Variants in TRIM27 observed in about 807,000 individuals in gnomAD.
TRIM27 encodes the protein tripartite motif containing 27, also known as zinc finger protein RFP.
In TRIM27, 12 loss-of-function variants were observed where a neutral mutation model predicts 57.6. The ratio of observed to expected loss-of-function variants is 0.21; its 90% CI spans 0.13 to 0.34. The LOEUF (loss-of-function observed/expected upper bound fraction) is 0.34. Among genes scored for constraint, TRIM27 ranks in the 10% least tolerant of loss-of-function variants. The pLI, the probability that TRIM27 is intolerant of heterozygous loss-of-function variation, is 1.00. For synonymous variants in TRIM27, 266 were observed against 259.0 expected (o/e 1.03, Z -0.26); for missense variants, 403 against 656.8 (o/e 0.61, Z 4.22).
In TRIM27 at chr6:28,921,250, G is replaced by A. The variant is rs142068226; in HGVS notation, c.516+642C>T. ...ACAAAAATTAGCTGAGTCTGTTGGC[G>A]TACGCCTGTAGCCTCAGCTACCTGG... On this transcript the variant is annotated intron_variant, in intron 2 of 7. Transcript: ENST00000377199. Among the ~76,000 whole-genome samples the A allele has an allele frequency of 2.0e-4, 30 of 152,094 alleles. No individual in the cohort carries two copies. In the East Asian group the frequency reaches 5.2e-3, roughly 26 times the overall value.
rs1382305044 is a variant in TRIM27, at chr6:28,923,364, C to T, written c.269G>A (p.Gly90Asp). The change falls in exon 1 of 8, where the codon GGC (glycine) becomes GAC (aspartate). Residue 90 changes from glycine to aspartate, a missense_variant. By Grantham distance (94) the Gly-to-Asp change is moderately conservative. Coordinates refer to ENST00000377199, the MANE Select transcript of TRIM27 (RefSeq NM_006510.5). The stretch of plus-strand genomic sequence containing the variant: ...CTTCTCGCACACGCCCATCTCGCCG[C>T]CGGGCCCCGACGGCCGCTCGGTGCG... ...QLRTERPSGP[G>D]GEMGVCEKHR... 6.2e-7 allele frequency: 1 copy of T among 1,612,040 alleles called. No individual in the cohort carries two copies. Among genetic ancestry groups the T allele is most frequent in the Non-Finnish European group, 8.5e-7 (1 of 1,179,678 alleles).
chr6:28,914,930 A>C (rs1773491647), intron 3 of TRIM27: 1 of 151,960 alleles, frequency 6.6e-6, no homozygotes, highest in Admixed American at 6.6e-5. Flanking sequence ...TTCTCTTCTA[A>C]TATGTCTTCT....
chr6:28,903,761 C>T lies in TRIM27; in HGVS notation c.*309G>A, dbSNP rs1772562507. ...GCCAAGAAGCTGGAAGTATCTTGAA[C>T]GGCTCTCCAAATCCAAAGATTATCC... On this transcript the variant is annotated 3_prime_UTR_variant, in exon 8 of 8. Transcript: ENST00000377199. 4 of 382,428 alleles carry T rather than the reference C, an allele frequency of 1.0e-5. No individual in the cohort carries two copies. The highest frequency in any genetic ancestry group is 1.9e-5 in the Non-Finnish European group (4 of 212,950). The allele number at this position is 382,428 out of a possible 1,614,324, so 23.7% of individuals were successfully genotyped here. A position where few individuals can be genotyped will look rare whatever the true frequency, so the allele number is the denominator to read the frequency against.
Position 28,923,788 on chromosome 6 carries a change from C to T in TRIM27, c.-156G>A. 1 of 821,008 alleles carries T rather than the reference C, an allele frequency of 1.2e-6. No individual in the cohort carries two copies. The highest frequency in any genetic ancestry group is 1.8e-6 in the Non-Finnish European group (1 of 548,280). 50.9% of individuals were successfully genotyped at this position (821,008 alleles called of 1,614,324 possible). A position where few individuals can be genotyped will look rare whatever the true frequency, so the allele number is the denominator to read the frequency against. On this transcript the variant is annotated 5_prime_UTR_variant, in exon 1 of 8. Transcript: ENST00000377199. The stretch of plus-strand genomic sequence containing the variant: ...GGCCCGTATCCCAGACGCGCCCGCG[C>T]ACCGAAGGCTTGGAGTGGCCGGGCC...
intron 3 of TRIM27, among the ~76,000 whole-genome samples, chr6:28,918,580 T>A (rs1428621958): frequency 2.0e-5 from 3 of 152,188 alleles, no homozygotes; most frequent in Admixed American, 2.0e-4. Context: ...ATTTTTACCA[T>A]TTAAAAATGT....
chr6:28,911,754 TCA>T, intron 3 of TRIM27, 36 bp from the exon 4 acceptor site: 1 of 1,607,898 alleles, frequency 6.2e-7, no homozygotes. Flanking sequence ...CCATGAGAAG[TCA>T]TTTAAAACTT....
Position 28,923,675 on chromosome 6 carries a change from G to A in TRIM27, c.-43C>T. ...GCGCACGGGCATGGGCCCCGGCGCC[G>A]AGCTCTGCACTGAGCCCAACTCTCC... On this transcript the variant is annotated 5_prime_UTR_variant, in exon 1 of 8. Transcript: ENST00000377199. 1 of 1,492,754 alleles carries A rather than the reference G, an allele frequency of 6.7e-7. No individual in the cohort carries two copies. The highest frequency in any genetic ancestry group is 9.0e-7 in the Non-Finnish European group (1 of 1,115,426). 92.5% of individuals were successfully genotyped at this position (1,492,754 alleles called of 1,614,324 possible). A position where few individuals can be genotyped will look rare whatever the true frequency, so the allele number is the denominator to read the frequency against.
chr6:28,919,853 A>G (rs1482209006), intron 3 of TRIM27, among the ~76,000 whole-genome samples, 159 bp downstream of exon 3: 1 of 152,276 alleles, frequency 6.6e-6, no homozygotes, highest in Non-Finnish European at 1.5e-5. Flanking sequence ...CTTCTAGTTT[A>G]CACAGTTTCC....
chr6:28,904,223 A>G lies in TRIM27; in HGVS notation c.1389T>C (p.His463=), dbSNP rs374566679. ...GCCGGACAGGCCCACAAAAGGTAGCATGAGAGAAAGTGAAGGTGTGACACC... is the reference window on the plus strand; with the variant it reads ...GCCGGACAGGCCCACAAAAGGTAGCGTGAGAGAAAGTGAAGGTGTGACACC... ...TERCHTFTFS[H]ATFCGPVRPY... Residue 463 remains histidine, a synonymous_variant, in exon 8 of 8, where the codon CAT becomes CAC. Coordinates refer to ENST00000377199, the MANE Select transcript of TRIM27 (RefSeq NM_006510.5). The surrounding 1 kb of genome is among the most constrained non-coding windows in gnomAD (Gnocchi z 6.1). The G allele has an allele frequency of 1.9e-4, 303 of 1,612,990 alleles. No homozygotes were observed. The highest frequency in any genetic ancestry group is 2.5e-4 in the Non-Finnish European group (299 of 1,180,042).
rs367561544 is a variant in TRIM27 at position 28,918,613 on chromosome 6, C to A, written c.747+1399G>T. 1.4e-3 allele frequency among the ~76,000 whole-genome samples: 209 copies of A among 152,278 alleles called. 2 individuals are homozygous for A. In the South Asian group the frequency reaches 0.022, roughly 16 times the overall value. ...TGTAAACTGGCCTGACGCTGTGGCT[C>A]ACACTTGTAATCCCAACACTTTGGG... is the stretch of plus-strand genomic sequence containing the variant. On this transcript the variant is annotated intron_variant, in intron 3 of 7. Transcript: ENST00000377199.
chr6:28,911,740 A>T (rs41270612), intron 3 of TRIM27, 22 bp from the exon 4 acceptor site: 1 of 1,611,006 alleles, frequency 6.2e-7, no homozygotes, highest in South Asian at 1.1e-5. Flanking sequence ...AGGAAAAAAA[A>T]TAACCATGAG....
At chr6:28,906,053 A>G (rs1399959194) in intron 7 of TRIM27, 1 of 152,076 alleles carries the variant, frequency 6.6e-6, no homozygotes, top group Non-Finnish European at 1.5e-5. Context: ...AAGTAAAAAA[A>G]TTAGGCAAGC....
intron 2 of TRIM27, among the ~76,000 whole-genome samples, chr6:28,921,643 A>G (rs1450529817): frequency 6.6e-6 from 1 of 152,230 alleles, no homozygotes; most frequent in East Asian, 1.9e-4. Flanking sequence ...ACCCTGGTCT[A>G]CGCAGTTAGC....
intron 3 of TRIM27, 37 bp from the exon 4 acceptor site, chr6:28,911,755 C>A (rs759632718): frequency 3.2e-5 from 51 of 1,605,050 alleles, no homozygotes; most frequent in Middle Eastern, 1.7e-4. Context: ...CATGAGAAGT[C>A]ATTTAAAACT....
chr6:28,922,083 C>A, intron 1 of TRIM27, 96 bp from the exon 2 acceptor site: 1 of 923,582 alleles, frequency 1.1e-6, no homozygotes, highest in Non-Finnish European at 1.7e-6. Flanking sequence ...ACACCTGATG[C>A]CAAGTCTCCA....
chr6:28,917,583 A>G (rs543781507), intron 3 of TRIM27, among the ~76,000 whole-genome samples: 1 of 152,088 alleles, frequency 6.6e-6, no homozygotes, highest in East Asian at 1.9e-4. Flanking sequence ...GTCTTAAAAA[A>G]AAAAAAAAAA....
chr6:28,920,727 A>C (rs1205312681), intron 2 of TRIM27, among the ~76,000 whole-genome samples: 1 of 152,176 alleles, frequency 6.6e-6, no homozygotes, highest in Non-Finnish European at 1.5e-5. Context: ...GGACCAGAAA[A>C]GGTAAGGCCT....
intron 3 of TRIM27, among the ~76,000 whole-genome samples, chr6:28,917,024 C>G (rs892690533): frequency 6.6e-6 from 1 of 152,034 alleles, no homozygotes; most frequent in Non-Finnish European, 1.5e-5. Context: ...CGCCTGTAGT[C>G]CCAGCTACTT....
chr6:28,922,488 GAATGT>G (rs1474217714), intron 1 of TRIM27, among the ~76,000 whole-genome samples: 1 of 152,184 alleles, frequency 6.6e-6, no homozygotes, highest in African/African-American at 2.4e-5. Flanking sequence ...GATTGCACAT[GAATGT>G]ACTCATATTT....
Sources: gnomAD v4.1 joint callset for allele counts (sites outside exome capture counted in the v4.1 genomes callset) on GRCh38, gnomAD v4.1.1 for gene constraint, Gnocchi (gnomAD v3.1) non-coding constraint, MANE v1.5 for transcripts, NCBI Gene and HGNC (gene_info 2026-07-23, HGNC 2026-07-21) for gene names.